TRDN: variants seen among roughly 807,000 people sequenced by gnomAD.
TRDN encodes triadin in skeletal muscle.
In TRDN, 161 loss-of-function variants were observed where a neutral mutation model predicts 149.7. The observed-to-expected ratio is 1.08, with a 90% CI of 0.95 to 1.23. The LOEUF (loss-of-function observed/expected upper bound fraction) is 1.23, where lower values mean the gene tolerates loss of function less well. Ranked by LOEUF, TRDN falls within the 50% of genes most tolerant of loss-of-function variation. TRDN has a pLI of 0.00. For synonymous variants in TRDN, 294 were observed against 250.5 expected, an observed-to-expected ratio of 1.17 and a Z score of -1.64; for missense variants, 896 against 823.5, an observed-to-expected ratio of 1.09 and a Z score of -1.08.
intron 1 of TRDN, among the ~76,000 whole-genome samples, chr6:123,590,642 G>T (rs1783733443): frequency 6.6e-6 from 1 of 151,916 alleles, no homozygotes; most frequent in Non-Finnish European, 1.5e-5. Context: ...CATGCCTATA[G>T]TCCCAACTAC....
At chr6:123,585,295 T>A (rs868454404) in intron 1 of TRDN, among the ~76,000 whole-genome samples, 395 of 151,682 alleles carry the variant, frequency 2.6e-3, no homozygotes, top group South Asian at 7.1e-3. Flanking sequence ...TGGGGATAAT[T>A]AAAAGGAGTG....
At chr6:123,383,890 C>T (rs570908751) in intron 14 of TRDN, among the ~76,000 whole-genome samples, 4 of 152,150 alleles carry the variant, frequency 2.6e-5, no homozygotes, top group African/African-American at 7.2e-5. Flanking sequence ...AAAAAATAAT[C>T]GATTCCTGAG....
At chr6:123,497,925 C>CA (rs1022021395) in intron 8 of TRDN, among the ~76,000 whole-genome samples, 1 of 151,946 alleles carries the variant, frequency 6.6e-6, no homozygotes, top group African/African-American at 2.4e-5. Flanking sequence ...AACAAACAAA[C>CA]AAAAAAAACA....
At chr6:123,252,477 A>G (rs1582779087) in intron 37 of TRDN, 42 bp from the exon 38 acceptor site, 6 of 1,091,372 alleles carry the variant, frequency 5.5e-6, no homozygotes, top group Non-Finnish European at 7.9e-6. Context: ...ACTGAGATAA[A>G]ATGCAAGGAA....
intron 38 of TRDN, among the ~76,000 whole-genome samples, chr6:123,226,003 T>C (rs947095434): frequency 5.3e-5 from 8 of 151,778 alleles, no homozygotes; most frequent in Admixed American, 2.6e-4. Flanking sequence ...AGTATGCAAA[T>C]TTCGTCTAAC....
intron 31 of TRDN, 43 bp downstream of exon 31, chr6:123,269,806 G>C: frequency 6.3e-7 from 1 of 1,599,964 alleles, no homozygotes; most frequent in Non-Finnish European, 8.5e-7. Flanking sequence ...AAGCTGAAAT[G>C]GTCAAGCGAT....
intron 9 of TRDN, chr6:123,470,847 A>C (rs1437743469): frequency 1.3e-5 from 2 of 152,238 alleles, no homozygotes; most frequent in African/African-American, 4.8e-5. Context: ...CTTGGACTAC[A>C]TAGGAGTAGT....
At chr6:123,265,554 C>A (rs1457943482) in intron 32 of TRDN, among the ~76,000 whole-genome samples, 1 of 151,190 alleles carries the variant, frequency 6.6e-6, no homozygotes, top group Non-Finnish European at 1.5e-5. Context: ...AGTATGGAAT[C>A]TTTTTTGGTC....
intron 7 of TRDN, among the ~76,000 whole-genome samples, chr6:123,507,121 T>C (rs1778965032): frequency 6.6e-6 from 1 of 152,092 alleles, no homozygotes; most frequent in African/African-American, 2.4e-5. Context: ...ATTATGTAAA[T>C]ATGTGTTTAG....
intron 38 of TRDN, among the ~76,000 whole-genome samples, chr6:123,231,145 C>T (rs758074002): frequency 2.0e-5 from 3 of 152,028 alleles, no homozygotes; most frequent in Non-Finnish European, 4.4e-5. Flanking sequence ...TCTATCTTTA[C>T]TTGCAAAGCA....
intron 10 of TRDN, among the ~76,000 whole-genome samples, chr6:123,451,063 A>T (rs1393880946): frequency 1.3e-5 from 2 of 152,082 alleles, no homozygotes; most frequent in African/African-American, 4.8e-5. Flanking sequence ...TGACAATAAT[A>T]ACCAACCTAC....
At chr6:123,602,467 A>G (rs1784323965) in intron 1 of TRDN, among the ~76,000 whole-genome samples, 1 of 152,070 alleles carries the variant, frequency 6.6e-6, no homozygotes, top group African/African-American at 2.4e-5. Flanking sequence ...AAGACTACAT[A>G]TTGGGTACAG....
intron 4 of TRDN, among the ~76,000 whole-genome samples, chr6:123,531,373 T>A (rs1780246286): frequency 6.6e-6 from 1 of 152,050 alleles, no homozygotes; most frequent in African/African-American, 2.4e-5. Flanking sequence ...CCACAGATGG[T>A]CTGAGATGGT....
At chr6:123,286,299 T>C (rs1173214193) in intron 24 of TRDN, among the ~76,000 whole-genome samples, 1 of 152,024 alleles carries the variant, frequency 6.6e-6, no homozygotes, top group Non-Finnish European at 1.5e-5. Flanking sequence ...AATGAGTTGA[T>C]GAAGAAATTG....
intron 9 of TRDN, among the ~76,000 whole-genome samples, chr6:123,496,729 C>T (rs1342396433): frequency 1.3e-5 from 2 of 151,928 alleles, no homozygotes; most frequent in Non-Finnish European, 2.9e-5. Context: ...TTTGGAGTGG[C>T]TAAACCAAGT....
intron 13 of TRDN, among the ~76,000 whole-genome samples, chr6:123,392,458 C>G (rs527296992): frequency 6.6e-6 from 1 of 152,058 alleles, no homozygotes; most frequent in African/African-American, 2.4e-5. Flanking sequence ...TCTATGAAAA[C>G]ATATATACAC....
Position 123,340,286 on chromosome 6 carries a change from G to A in TRDN, c.1370-2617C>T, listed in dbSNP as rs546355991. On this transcript the variant is annotated intron_variant, in intron 21 of 40. Transcript: ENST00000334268. ...TAAACATTTTGAATCCAAACTACAA[G>A]TATTCATCTGTTTAAAGGAAACAGC... is the stretch of plus-strand genomic sequence containing the variant. 7.9e-5 allele frequency among the ~76,000 whole-genome samples: 12 copies of A among 152,146 alleles called. No homozygotes were observed. The East Asian group carries it at 2.3e-3, about 29-fold the overall frequency.
At chr6:123,491,868 C>G (rs1229734799) in intron 9 of TRDN, among the ~76,000 whole-genome samples, 1 of 152,116 alleles carries the variant, frequency 6.6e-6, no homozygotes, top group Non-Finnish European at 1.5e-5. Context: ...TAAAGCAAAG[C>G]TAAATGGTAC....
intron 5 of TRDN, chr6:123,529,203 G>A: frequency 2.6e-6 from 4 of 1,548,014 alleles, no homozygotes; most frequent in Non-Finnish European, 3.5e-6. Flanking sequence ...AACCAGTTGA[G>A]TTTCTGTTTA....
Sources: allele counts gnomAD v4.1 joint callset (sites outside exome capture counted in the v4.1 genomes callset), GRCh38; gene constraint gnomAD v4.1.1; transcripts MANE v1.5; gene names NCBI Gene and HGNC (gene_info 2026-07-23, HGNC 2026-07-21).